PAMR1: variants seen among roughly 807,000 people sequenced by gnomAD.
PAMR1 encodes the protein inactive serine protease PAMR1.
Under a neutral mutation model 81.8 loss-of-function variants are expected in PAMR1, and 88 were observed. The ratio of observed to expected loss-of-function variants is 1.08; its 90% CI spans 0.91 to 1.28. PAMR1 has a LOEUF of 1.28. Ranked by LOEUF, PAMR1 falls within the 50% of genes most tolerant of loss-of-function variation. The pLI, the probability that PAMR1 is intolerant of heterozygous loss-of-function variation, is 0.00. For synonymous variants in PAMR1, 336 were observed against 345.3 expected (o/e 0.97, Z 0.30); for missense variants, 935 against 919.7 (o/e 1.02, Z -0.21).
At chr11:35,515,306 T>C (rs1851141942) in intron 1 of PAMR1, among the ~76,000 whole-genome samples, 1 of 152,192 alleles carries the variant, frequency 6.6e-6, no homozygotes, top group African/African-American at 2.4e-5. Context: ...GATTCCCCTA[T>C]GTGAAGCAGA....
chr11:35,439,005 T>C (rs1590317109), intron 8 of PAMR1, among the ~76,000 whole-genome samples: 1 of 152,070 alleles, frequency 6.6e-6, no homozygotes, highest in African/African-American at 2.4e-5. Flanking sequence ...CTTGGAGTGA[T>C]AGAGGAAAAT....
Position 35,514,977 on chromosome 11 carries a change from C to T in PAMR1, c.73+10536G>A, listed in dbSNP as rs377531332. Among the ~76,000 whole-genome samples, 3 of 152,330 alleles carry T rather than the reference C, an allele frequency of 2.0e-5. No individual in the cohort carries two copies. In the East Asian group the frequency reaches 5.8e-4, roughly 29 times the overall value. ...CCATGATTGTGCCACTGCACTTCAACCTGGGTGACAGACCAAGATCCAGTC... is the reference window on the plus strand; with the variant it reads ...CCATGATTGTGCCACTGCACTTCAATCTGGGTGACAGACCAAGATCCAGTC... On this transcript the variant is annotated intron_variant, in intron 1 of 10. Transcript: ENST00000619888.
At chr11:35,456,294 G>A (rs1309521532) in intron 6 of PAMR1, among the ~76,000 whole-genome samples, 1 of 152,166 alleles carries the variant, frequency 6.6e-6, no homozygotes, top group African/African-American at 2.4e-5. Flanking sequence ...CAGGGTCTCA[G>A]CAAATACTAG....
chr11:35,449,541 T>C (rs1740806153), intron 6 of PAMR1, among the ~76,000 whole-genome samples: 1 of 152,198 alleles, frequency 6.6e-6, no homozygotes, highest in Non-Finnish European at 1.5e-5. Context: ...AATTCTTCTC[T>C]GTCCAAACCG....
intron 9 of PAMR1, 93 bp from the exon 10 acceptor site, chr11:35,434,897 G>A (rs1856002894): frequency 7.7e-7 from 1 of 1,291,912 alleles, no homozygotes; most frequent in Admixed American, 1.9e-5. Context: ...AATCTGGAAA[G>A]GTGAACTGTA....
At chr11:35,441,455 A>T in intron 7 of PAMR1, 26 bp downstream of exon 7, 1 of 1,552,906 alleles carries the variant, frequency 6.4e-7, no homozygotes, top group Non-Finnish European at 8.9e-7. Flanking sequence ...CAATGTCCGT[A>T]GACTTCAGAA....
intron 7 of PAMR1, among the ~76,000 whole-genome samples, chr11:35,440,842 AC>A (rs777390163): frequency 2.0e-5 from 3 of 152,244 alleles, no homozygotes; most frequent in Non-Finnish European, 4.4e-5. Flanking sequence ...CATTTGGAAT[AC>A]CATCCCGACT....
chr11:35,474,779 G>A, intron 3 of PAMR1, 35 bp from the exon 4 acceptor site: 1 of 1,445,258 alleles, frequency 6.9e-7, no homozygotes, highest in Non-Finnish European at 9.7e-7. Context: ...ACATAAAAAT[G>A]GAGGTCAATA....
chr11:35,491,709 AC>A (rs1850628930), intron 3 of PAMR1, among the ~76,000 whole-genome samples: 1 of 152,238 alleles, frequency 6.6e-6, no homozygotes, highest in African/African-American at 2.4e-5. Context: ...ACAGTGCACT[AC>A]AGACAACATT....
chr11:35,434,606 TTCC>T lies in PAMR1; in HGVS notation c.1529_1531del (p.Gly510_Lys511delinsGlu). On this transcript the variant is annotated inframe_deletion, in exon 10 of 11. Coordinates refer to ENST00000619888, the MANE Select transcript of PAMR1 (RefSeq NM_001001991.3). ...GTCTGCTGTCTTGATCATGGTGACC[TTCC>T]CCAGGTCAGTAACACAGTGGGCAGC... The T allele has an allele frequency of 6.2e-7, 1 of 1,614,074 alleles. No individual in the cohort carries two copies. Among genetic ancestry groups the T allele is most frequent in the South Asian group, 1.1e-5 (1 of 91,078 alleles).
At chr11:35,464,615 C>T (rs1856724623) in intron 6 of PAMR1, among the ~76,000 whole-genome samples, 1 of 152,152 alleles carries the variant, frequency 6.6e-6, no homozygotes, top group Non-Finnish European at 1.5e-5. Context: ...AGAGCAAAAT[C>T]ACCCCTGGTT....
chr11:35,475,234 C>A (rs908139772), intron 3 of PAMR1, among the ~76,000 whole-genome samples: 1 of 152,136 alleles, frequency 6.6e-6, no homozygotes, highest in Admixed American at 6.5e-5. Context: ...TTAATTTATT[C>A]TATGAGTAGT....
In PAMR1 at chr11:35,457,894, T is replaced by C. The variant is rs137921237; in HGVS notation, c.820+10107A>G. Among the ~76,000 whole-genome samples, 9 of 152,286 alleles carry C rather than the reference T, an allele frequency of 5.9e-5. No homozygotes were observed. In the East Asian group the frequency reaches 1.7e-3, roughly 29 times the overall value. On this transcript the variant is annotated intron_variant, in intron 6 of 10. Coordinates refer to ENST00000619888, the MANE Select transcript of PAMR1 (RefSeq NM_001001991.3). Reference sequence around the variant, plus strand: ...AGGGATATGAGTTATTACCTACCACTTGTCATTAATCATTTGTTGAAGGAT... The same window carrying C: ...AGGGATATGAGTTATTACCTACCACCTGTCATTAATCATTTGTTGAAGGAT...
rs368176617 is a variant in PAMR1, at chr11:35,439,717, G to C, written c.1034-24C>G. 21 of 1,590,540 alleles carry C rather than the reference G, an allele frequency of 1.3e-5. No homozygotes were observed. The African/African-American group carries it at 2.6e-4, about 19-fold the overall frequency. On this transcript the variant is annotated intron_variant, in intron 7 of 10. Transcript: ENST00000619888. ...GGCTAGAAATAAAAAAGACAATGCTGCATGATCCTTTTCCATATTCACTGT... is the reference window on the plus strand; with the variant it reads ...GGCTAGAAATAAAAAAGACAATGCTCCATGATCCTTTTCCATATTCACTGT...
At chr11:35,445,037 C>T (rs1475503352) in intron 6 of PAMR1, among the ~76,000 whole-genome samples, 1 of 152,130 alleles carries the variant, frequency 6.6e-6, no homozygotes, top group Non-Finnish European at 1.5e-5. Flanking sequence ...TTGTAGTTCT[C>T]CTTGAAGAGA....
chr11:35,466,332 G>A (rs930055394), intron 6 of PAMR1, among the ~76,000 whole-genome samples: 1 of 152,282 alleles, frequency 6.6e-6, no homozygotes, highest in South Asian at 2.1e-4. Context: ...CAAGTGAGCT[G>A]TGCCAAACCA....
At chr11:35,455,773 T>C (rs570653376) in intron 6 of PAMR1, among the ~76,000 whole-genome samples, 1 of 152,180 alleles carries the variant, frequency 6.6e-6, no homozygotes, top group Non-Finnish European at 1.5e-5. Context: ...TTAGAAGATG[T>C]TTTTCTATAT....
chr11:35,477,883 G>A (rs561091108), intron 3 of PAMR1, among the ~76,000 whole-genome samples: 6 of 152,160 alleles, frequency 3.9e-5, no homozygotes, highest in African/African-American at 1.4e-4. Flanking sequence ...TGAAATGCAC[G>A]TTCCTTCTCT....
intron 1 of PAMR1, among the ~76,000 whole-genome samples, chr11:35,521,030 T>TA (rs1467614909): frequency 2.0e-5 from 3 of 152,200 alleles, no homozygotes. Flanking sequence ...CTGAGGGACT[T>TA]ACGCGCTCTA....
Sources: gnomAD v4.1 joint callset for allele counts (sites outside exome capture counted in the v4.1 genomes callset) on GRCh38, gnomAD v4.1.1 for gene constraint, MANE v1.5 for transcripts, NCBI Gene and HGNC (gene_info 2026-07-23, HGNC 2026-07-21) for gene names.